The following WDR27 variants were observed in gnomAD, a reference collection of about 807,000 sequenced individuals.
WDR27 encodes the protein WD repeat-containing protein 27.
In WDR27, 100 loss-of-function variants were observed where a neutral mutation model predicts 114.4. That is an observed-to-expected ratio of 0.87 (90% confidence interval 0.74 to 1.03). The LOEUF is 1.03. WDR27 is among the 50% of genes least tolerant of loss of function. The probability of loss-of-function intolerance (pLI) is 0.00; values close to 1 mark genes in which losing one functional copy is unlikely to be tolerated. For missense variants in WDR27, 1,129 were observed against 1,092.9 expected (o/e 1.03, Z -0.47); for synonymous variants, 449 against 423.1 (o/e 1.06, Z -0.75).
intron 25 of WDR27, among the ~76,000 whole-genome samples, chr6:169,480,500 G>A (rs1401615419): frequency 2.6e-5 from 4 of 152,258 alleles, no homozygotes; most frequent in Admixed American, 1.3e-4. Context: ...AGCCAGCTGG[G>A]CTCCTGAGTC....
intron 13 of WDR27, among the ~76,000 whole-genome samples, chr6:169,653,086 G>T (rs777725085): frequency 4.6e-5 from 7 of 152,198 alleles, no homozygotes; most frequent in African/African-American, 1.7e-4. Flanking sequence ...CAGACAAGAC[G>T]AGCGGACCCC....
At chr6:169,648,216 C>T (rs972178703) in intron 15 of WDR27, among the ~76,000 whole-genome samples, 6 of 152,104 alleles carry the variant, frequency 3.9e-5, no homozygotes, top group Non-Finnish European at 5.9e-5. Context: ...AGTCTCATGC[C>T]GCTGTGGGTG....
intron 21 of WDR27, among the ~76,000 whole-genome samples, chr6:169,620,387 A>G (rs905717633): frequency 3.3e-5 from 5 of 152,230 alleles, no homozygotes; most frequent in Non-Finnish European, 7.3e-5. Context: ...GACAAAGGAC[A>G]GTCAGAACTC....
the WDR27 span, among the ~76,000 whole-genome samples, chr6:169,445,628 C>G: frequency 2.0e-5 from 3 of 152,218 alleles, no homozygotes; most frequent in African/African-American, 2.4e-5. Flanking sequence ...TGCCATGGAG[C>G]TTTCCTGTCA....
chr6:169,661,401 A>G (rs1826059314), intron 9 of WDR27, among the ~76,000 whole-genome samples: 1 of 152,140 alleles, frequency 6.6e-6, no homozygotes, highest in South Asian at 2.1e-4. Context: ...CTGTTAATAC[A>G]CTGAGAAGCC....
intron 25 of WDR27, among the ~76,000 whole-genome samples, chr6:169,527,235 C>T (rs2128073647): frequency 6.6e-6 from 1 of 151,322 alleles, no homozygotes; most frequent in Non-Finnish European, 1.5e-5. Flanking sequence ...AAAGTGGAAA[C>T]AACTCCAAAA....
chr6:169,464,884 A>G (rs893508891), intron 25 of WDR27, among the ~76,000 whole-genome samples: 6 of 152,242 alleles, frequency 3.9e-5, no homozygotes, highest in Non-Finnish European at 8.8e-5. Flanking sequence ...ACACTTTGGG[A>G]GGCCAAGGTG....
At chr6:169,685,073 C>G (rs910337117) in intron 2 of WDR27, among the ~76,000 whole-genome samples, 1 of 152,156 alleles carries the variant, frequency 6.6e-6, no homozygotes, top group Non-Finnish European at 1.5e-5. Context: ...TGGATTACAA[C>G]AGAAGAAACC....
chr6:169,600,306 C>T (rs1009015806), intron 23 of WDR27, among the ~76,000 whole-genome samples: 1 of 152,152 alleles, frequency 6.6e-6, no homozygotes, highest in East Asian at 1.9e-4. Flanking sequence ...CACCAAAACC[C>T]CATCTATACA....
intron 25 of WDR27, among the ~76,000 whole-genome samples, chr6:169,487,018 C>T (rs1320908822): frequency 6.6e-6 from 1 of 152,166 alleles, no homozygotes; most frequent in African/African-American, 2.4e-5. Context: ...GGCAGCACAG[C>T]AATTCTGAGC....
rs901378330 is a variant in WDR27 at position 169,597,185 on chromosome 6, A to C, written c.2424+5034T>G. Among the ~76,000 whole-genome samples, 8 of 152,308 alleles carry C rather than the reference A, an allele frequency of 5.3e-5. No homozygotes were observed. In the South Asian group the frequency reaches 1.7e-3, roughly 32 times the overall value. On this transcript the variant is annotated intron_variant, in intron 23 of 25. Transcript: ENST00000448612. ...CAATGATATATCTTTCAGTTCTAGG[A>C]AAGTCCAACAATGCAGTAAAATTCT...
chr6:169,513,108 A>G (rs1425049974), intron 25 of WDR27, among the ~76,000 whole-genome samples: 1 of 152,100 alleles, frequency 6.6e-6, no homozygotes, highest in Non-Finnish European at 1.5e-5. Context: ...TTTGTGGGTG[A>G]GTCTTCTGTT....
chr6:169,445,301 G>T, the WDR27 span, among the ~76,000 whole-genome samples: 4 of 152,144 alleles, frequency 2.6e-5, no homozygotes, highest in Admixed American at 6.5e-5. Flanking sequence ...AGTCCTCTGT[G>T]CTGCTGGAAA....
chr6:169,551,533 G>A (rs566623067), intron 25 of WDR27, among the ~76,000 whole-genome samples: 147 of 152,004 alleles, frequency 9.7e-4, no homozygotes, highest in Non-Finnish European at 1.8e-3. Context: ...TCACGAGTTC[G>A]AGACCAGCCT....
chr6:169,679,519 A>G (rs1265390214), intron 2 of WDR27, among the ~76,000 whole-genome samples: 1 of 152,134 alleles, frequency 6.6e-6, no homozygotes, highest in Admixed American at 6.5e-5. Context: ...TGTTTGGGTC[A>G]TGCCGGCTGA....
chr6:169,560,479 A>C (rs571028962), intron 25 of WDR27, among the ~76,000 whole-genome samples: 1 of 152,364 alleles, frequency 6.6e-6, no homozygotes, highest in East Asian at 1.9e-4. Context: ...AAGAAACTCC[A>C]AGTGAGAGCC....
At chr6:169,591,101 C>T (rs1805669902) in intron 23 of WDR27, among the ~76,000 whole-genome samples, 1 of 152,196 alleles carries the variant, frequency 6.6e-6, no homozygotes, top group South Asian at 2.1e-4. Context: ...TTCCCACCGA[C>T]TGTGCGGGAG....
At chr6:169,443,644 C>A in the WDR27 span, among the ~76,000 whole-genome samples, 1 of 152,172 alleles carries the variant, frequency 6.6e-6, no homozygotes, top group African/African-American at 2.4e-5. Context: ...CTGGATGACA[C>A]ACATAGGCTG....
intron 24 of WDR27, among the ~76,000 whole-genome samples, chr6:169,576,057 T>C (rs1448477872): frequency 1.0e-5 from 1 of 96,646 alleles, no homozygotes. Context: ...GCAAAGCTTT[T>C]GGAGTAACGG....
Sources: allele counts gnomAD v4.1 joint callset (sites outside exome capture counted in the v4.1 genomes callset), GRCh38; gene constraint gnomAD v4.1.1; transcripts MANE v1.5; gene names NCBI Gene and HGNC (gene_info 2026-07-23, HGNC 2026-07-21).